Variants in TECRL observed in about 807,000 individuals in gnomAD.
The protein encoded by TECRL is trans-2,3-enoyl-CoA reductase like, also known as trans-2,3-enoyl-CoA reductase-like.
A neutral mutation model predicts 52.8 loss-of-function variants in TECRL; 63 were observed. The observed-to-expected ratio is 1.19, with a 90% CI of 0.97 to 1.47. TECRL has a LOEUF of 1.47. Among genes scored for constraint, TECRL ranks in the 40% most tolerant of loss-of-function variants. The pLI is 0.00. For synonymous variants in TECRL, 164 were observed against 141.9 expected, an observed-to-expected ratio of 1.16 and a Z score of -1.10; for missense variants, 482 against 429.6, an observed-to-expected ratio of 1.12 and a Z score of -1.08.
chr4:64,296,142 C>G (rs1260268866), intron 8 of TECRL, among the ~76,000 whole-genome samples: 1 of 151,934 alleles, frequency 6.6e-6, no homozygotes, highest in African/African-American at 2.4e-5. Flanking sequence ...AATGAAAGCA[C>G]TGAACTTTGG....
intron 1 of TECRL, among the ~76,000 whole-genome samples, chr4:64,406,155 CG>C (rs1724707620): frequency 3.0e-5 from 3 of 100,904 alleles, no homozygotes; most frequent in Admixed American, 1.1e-4. Flanking sequence ...TAGGCGCGCG[CG>C]CGCGCGCGCG....
At position 64,278,083 on chromosome 4, in the gene TECRL, TAC is replaced by T. The variant is rs1722638645; in HGVS notation, c.*1987_*1988del. On this transcript the variant is annotated 3_prime_UTR_variant, in exon 12 of 12. Transcript: ENST00000381210. ...ATATATGTGTATATATATACACATA[TAC>T]ACACGTACACACATATTTTGAAATA... is the stretch of plus-strand genomic sequence containing the variant. 1 of 150,294 alleles carries T rather than the reference TAC, an allele frequency of 6.7e-6. No homozygotes were observed. Among genetic ancestry groups the T allele is most frequent in the African/African-American group, 2.4e-5 (1 of 41,350 alleles). 9.3% of individuals were successfully genotyped at this position (150,294 alleles called of 1,614,324 possible).
chr4:64,313,977 CAAAAA>C (rs752037972), intron 5 of TECRL, among the ~76,000 whole-genome samples: 3 of 61,960 alleles, frequency 4.8e-5, no homozygotes, highest in Admixed American at 1.8e-4. Flanking sequence ...ACTAAAAATA[CAAAAA>C]AAAAAAAAAA....
chr4:64,301,578 C>T (rs1004178249), intron 7 of TECRL, among the ~76,000 whole-genome samples: 1 of 142,244 alleles, frequency 7.0e-6, no homozygotes. Flanking sequence ...TGATAACAAA[C>T]GGAAGTTTGT....
intron 1 of TECRL, among the ~76,000 whole-genome samples, chr4:64,383,420 CAT>C (rs980370541): frequency 2.0e-5 from 3 of 151,988 alleles, no homozygotes; most frequent in African/African-American, 7.2e-5. Flanking sequence ...TATGATGCCC[CAT>C]ATGTCAGGCA....
At chr4:64,342,354 T>C (rs1047149390) in intron 2 of TECRL, among the ~76,000 whole-genome samples, 4 of 152,096 alleles carry the variant, frequency 2.6e-5, no homozygotes. Context: ...CTGAAGAATG[T>C]GTGATGTGAT....
chr4:64,397,369 A>G (rs867980272), intron 1 of TECRL, among the ~76,000 whole-genome samples: 2 of 152,156 alleles, frequency 1.3e-5, no homozygotes, highest in African/African-American at 4.8e-5. Context: ...ACTACAGTAC[A>G]TTTATTAAGT....
chr4:64,340,962 G>T (rs1719530371), intron 2 of TECRL, among the ~76,000 whole-genome samples: 1 of 152,150 alleles, frequency 6.6e-6, no homozygotes, highest in African/African-American at 2.4e-5. Flanking sequence ...CCTCCTTTTT[G>T]CTGAGAGCTT....
intron 6 of TECRL, among the ~76,000 whole-genome samples, chr4:64,308,551 A>G (rs778840571): frequency 3.9e-5 from 6 of 152,078 alleles, no homozygotes; most frequent in Non-Finnish European, 2.9e-5. Context: ...AAGGCCCAGA[A>G]TTTATCCGAA....
At chr4:64,367,055 T>C in intron 2 of TECRL, among the ~76,000 whole-genome samples, 1 of 151,986 alleles carries the variant, frequency 6.6e-6, no homozygotes, top group African/African-American at 2.4e-5. Flanking sequence ...TATGCAGCCA[T>C]AAAAAAGAAT....
intron 1 of TECRL, among the ~76,000 whole-genome samples, chr4:64,377,857 C>A (rs1443990467): frequency 3.9e-5 from 6 of 152,038 alleles, no homozygotes; most frequent in Admixed American, 2.6e-4. Context: ...ATTTTAGCCA[C>A]TTTCACAGTA....
At chr4:64,384,000 T>A (rs1401509636) in intron 1 of TECRL, among the ~76,000 whole-genome samples, 3 of 152,140 alleles carry the variant, frequency 2.0e-5, no homozygotes, top group Admixed American at 2.0e-4. Context: ...GTAATCAGCA[T>A]CCGTATTGTC....
At chr4:64,337,533 A>G (rs1420048950) in intron 2 of TECRL, among the ~76,000 whole-genome samples, 6 of 152,116 alleles carry the variant, frequency 3.9e-5, no homozygotes, top group African/African-American at 9.7e-5. Context: ...AAACCCCATC[A>G]TCTCAGCCCA....
At chr4:64,344,866 C>T (rs932027719) in intron 2 of TECRL, among the ~76,000 whole-genome samples, 7 of 152,140 alleles carry the variant, frequency 4.6e-5, no homozygotes. Flanking sequence ...ACACACCAGG[C>T]CAATGTGAGT....
At chr4:64,277,551 A>G (rs1267587022), downstream of TECRL, among the ~76,000 whole-genome samples, 1 of 151,596 alleles carries the variant, frequency 6.6e-6, no homozygotes, top group East Asian at 1.9e-4. Flanking sequence ...GCTTTTTGTT[A>G]TTTCTTTAGT....
intron 9 of TECRL, among the ~76,000 whole-genome samples, chr4:64,287,132 A>T (rs1723119883): frequency 6.6e-6 from 1 of 152,124 alleles, no homozygotes; most frequent in African/African-American, 2.4e-5. Context: ...AAACTACAAC[A>T]GCATTGGCCT....
chr4:64,305,295 A>G (rs1182008193), intron 6 of TECRL, 57 bp from the exon 7 acceptor site: 5 of 1,472,510 alleles, frequency 3.4e-6, no homozygotes, highest in East Asian at 4.6e-5. Flanking sequence ...ATATATTTCA[A>G]TTGTGACATA....
At chr4:64,356,776 C>T (rs1720806527) in intron 2 of TECRL, among the ~76,000 whole-genome samples, 1 of 152,120 alleles carries the variant, frequency 6.6e-6, no homozygotes, top group African/African-American at 2.4e-5. Flanking sequence ...TTTTCTTTCT[C>T]CATACTTTGT....
intron 7 of TECRL, among the ~76,000 whole-genome samples, chr4:64,300,859 G>T (rs1002464244): frequency 4.0e-5 from 6 of 150,888 alleles, no homozygotes; most frequent in African/African-American, 1.5e-4. Flanking sequence ...TCATAATAAT[G>T]CAAGACATGG....
Sources: gnomAD v4.1 joint callset for allele counts (sites outside exome capture counted in the v4.1 genomes callset) on GRCh38, gnomAD v4.1.1 for gene constraint, MANE v1.5 for transcripts, NCBI Gene and HGNC (gene_info 2026-07-23, HGNC 2026-07-21) for gene names.